CLIP3: variants seen among roughly 807,000 people sequenced by gnomAD.
CLIP3 encodes CAP-Gly domain-containing linker protein 3.
A neutral mutation model predicts 59.4 loss-of-function variants in CLIP3; 15 were observed. The ratio of observed to expected loss-of-function variants is 0.25; its 90% CI spans 0.17 to 0.39. CLIP3 has a LOEUF of 0.39. Among genes scored for constraint, CLIP3 ranks in the 10% least tolerant of loss-of-function variants. CLIP3 has a pLI of 1.00. For synonymous variants in CLIP3, 300 were observed against 321.6 expected, an observed-to-expected ratio of 0.93 and a Z score of 0.72; for missense variants, 495 against 765.7, an observed-to-expected ratio of 0.65 and a Z score of 4.17.
intron 12 of CLIP3, 24 bp from the exon 13 acceptor site, chr19:36,017,003 A>G: frequency 6.2e-7 from 1 of 1,612,938 alleles, no homozygotes; most frequent in South Asian, 1.1e-5. Context: ...CAGGATGTCA[A>G]GTGAGGGGAT....
At chr19:36,019,421 G>A in intron 7 of CLIP3, 115 bp from the exon 8 acceptor site, 1 of 1,257,828 alleles carries the variant, frequency 8.0e-7, no homozygotes, top group South Asian at 1.3e-5. Context: ...CCAAACCCCA[G>A]GTCACACATC....
In CLIP3 at chr19:36,026,806, G is replaced by A; in HGVS notation, c.401-59C>T. Reference sequence around the variant, plus strand: ...ATTCCAGAGCATGGGCCCAGTGCACGGGGAGGACCCTGGGCTTCAGGGACT... The same window carrying A: ...ATTCCAGAGCATGGGCCCAGTGCACAGGGAGGACCCTGGGCTTCAGGGACT... On this transcript the variant is annotated intron_variant, in intron 4 of 13. Transcript: ENST00000360535. This position sits in a 1 kb window ranked among gnomAD's most constrained non-coding sequence, Gnocchi z 6.3. 2 of 1,566,220 alleles carry A rather than the reference G, an allele frequency of 1.3e-6. No individual in the cohort carries two copies. Among genetic ancestry groups the A allele is most frequent in the Non-Finnish European group, 1.7e-6 (2 of 1,160,286 alleles).
In CLIP3 at chr19:36,014,902, TG is replaced by T. The variant is rs1384004584; in HGVS notation, c.*1255del. 2 of 152,438 alleles carry T rather than the reference TG, an allele frequency of 1.3e-5. No individual in the cohort carries two copies. The highest frequency in any genetic ancestry group is 2.9e-5 in the Non-Finnish European group (2 of 68,132). The allele number at this position is 152,438 out of a possible 1,614,324, so 9.4% of individuals were successfully genotyped here. On this transcript the variant is annotated 3_prime_UTR_variant, in exon 14 of 14. Transcript: ENST00000360535. ...AGGATTTGAGATCCCCTCAGGGCCTTGGGGCCTTCCATTTATTAGAGATGGA... is the reference window on the plus strand; with the variant it reads ...AGGATTTGAGATCCCCTCAGGGCCTTGGGCCTTCCATTTATTAGAGATGGA...
chr19:36,028,121 C>G (rs942133326), intron 2 of CLIP3, among the ~76,000 whole-genome samples: 10 of 151,926 alleles, frequency 6.6e-5, no homozygotes, highest in African/African-American at 9.7e-5. Flanking sequence ...CGGATCACCT[C>G]AGGTCAGGAG....
intron 12 of CLIP3, 120 bp from the exon 13 acceptor site, chr19:36,017,099 A>T (rs1157177988): frequency 2.8e-6 from 3 of 1,058,360 alleles, no homozygotes; most frequent in South Asian, 2.8e-5. Flanking sequence ...TGGATCCTAC[A>T]TTCCCAATAC....
rs1442194697 is a variant in CLIP3, at chr19:36,015,190, C to A, written c.*968G>T. 6 of 152,074 alleles carry A rather than the reference C, an allele frequency of 3.9e-5. No homozygotes were observed. The highest frequency in any genetic ancestry group is 1.5e-4 in the African/African-American group (6 of 41,366). 9.4% of individuals were successfully genotyped at this position (152,074 alleles called of 1,614,324 possible). On this transcript the variant is annotated 3_prime_UTR_variant, in exon 14 of 14. Transcript: ENST00000360535. Reference sequence around the variant, plus strand: ...GATTGGATTTTCAAATTTGGGATTCCCTGGGGATTTGGGATTCCATGATTT... The same window carrying A: ...GATTGGATTTTCAAATTTGGGATTCACTGGGGATTTGGGATTCCATGATTT...
Position 36,026,449 on chromosome 19 carries a change from C to A in CLIP3, c.562+137G>T. 1 of 1,283,740 alleles carries A rather than the reference C, an allele frequency of 7.8e-7. No individual in the cohort carries two copies. Among genetic ancestry groups the A allele is most frequent in the Non-Finnish European group, 1.1e-6 (1 of 925,982 alleles). The allele number at this position is 1,283,740 out of a possible 1,614,324, so 79.5% of individuals were successfully genotyped here. ...CTCCCTAGAGTGGTAGTCCCTGAGCCCCCTCTCCCACGCCTCCAACCTCCC... is the reference window on the plus strand; with the variant it reads ...CTCCCTAGAGTGGTAGTCCCTGAGCACCCTCTCCCACGCCTCCAACCTCCC... On this transcript the variant is annotated intron_variant, in intron 5 of 13. Transcript: ENST00000360535. This position sits in a 1 kb window ranked among gnomAD's most constrained non-coding sequence, Gnocchi z 6.3.
Position 36,015,887 on chromosome 19 carries a change from A to C in CLIP3, c.*271T>G, listed in dbSNP as rs1204805067. 1 of 526,920 alleles carries C rather than the reference A, an allele frequency of 1.9e-6. No individual in the cohort carries two copies. Among genetic ancestry groups the C allele is most frequent in the Non-Finnish European group, 3.4e-6 (1 of 290,936 alleles). 32.6% of individuals were successfully genotyped at this position (526,920 alleles called of 1,614,324 possible). On this transcript the variant is annotated 3_prime_UTR_variant, in exon 14 of 14. Transcript: ENST00000360535. The stretch of plus-strand genomic sequence containing the variant: ...ATTTGGGGTGATATGGAAATCTGTT[A>C]ATCTGGGAATCTGCTCTGAGGGGTT...
At chr19:36,020,043 T>TAA (rs1256239189) in intron 7 of CLIP3, among the ~76,000 whole-genome samples, 1 of 151,604 alleles carries the variant, frequency 6.6e-6, no homozygotes, top group Non-Finnish European at 1.5e-5. Context: ...CCTCTAATCT[T>TAA]AATCTGTTCC....
At chr19:36,019,594 A>T (rs1599695096) in intron 7 of CLIP3, among the ~76,000 whole-genome samples, 1 of 113,984 alleles carries the variant, frequency 8.8e-6, no homozygotes, top group African/African-American at 4.8e-5. Context: ...TTATTTATTT[A>T]TTTATTTTAT....
chr19:36,032,693 T>G lies in CLIP3; in HGVS notation c.-59+31A>C. The G allele has an allele frequency of 5.1e-6, 1 of 196,320 alleles. No homozygotes were observed. The highest frequency in any genetic ancestry group is 1.0e-5 in the Non-Finnish European group (1 of 97,590). 12.2% of individuals were successfully genotyped at this position (196,320 alleles called of 1,614,324 possible). On this transcript the variant is annotated intron_variant, in intron 1 of 13. Coordinates refer to ENST00000360535, the MANE Select transcript of CLIP3 (RefSeq NM_015526.3). This position sits in a 1 kb window ranked among gnomAD's most constrained non-coding sequence, Gnocchi z 4.3. The stretch of plus-strand genomic sequence containing the variant: ...GATTCAGGATGCTTCGCCCCTCCCC[T>G]TCTCCGCGGGCCGCCCCCTCCCCAT...
At chr19:36,025,451 T>G (rs1969076437) in intron 6 of CLIP3, among the ~76,000 whole-genome samples, 1 of 151,480 alleles carries the variant, frequency 6.6e-6, no homozygotes, top group Non-Finnish European at 1.5e-5. Context: ...ATTAGCCGGG[T>G]GTGGTGGCGC....
Position 36,015,515 on chromosome 19 carries a change from G to T in CLIP3, c.*643C>A. On this transcript the variant is annotated 3_prime_UTR_variant, in exon 14 of 14. Transcript: ENST00000360535. The stretch of plus-strand genomic sequence containing the variant: ...GGGGGTCCTGTAATTAGCACTTCCA[G>T]GACTGTTTTGGTGTCTGTAAATTAG... The T allele has an allele frequency of 6.5e-6, 1 of 154,662 alleles. No individual in the cohort carries two copies. The highest frequency in any genetic ancestry group is 2.0e-4 in the South Asian group (1 of 4,968). 9.6% of individuals were successfully genotyped at this position (154,662 alleles called of 1,614,324 possible).
intron 6 of CLIP3, among the ~76,000 whole-genome samples, chr19:36,024,958 C>T (rs369605901): frequency 5.3e-5 from 8 of 151,446 alleles, no homozygotes; most frequent in Non-Finnish European, 8.8e-5. Context: ...CCCAGCTACT[C>T]GGGAGGCTGA....
At chr19:36,022,445 C>T (rs913138210) in intron 7 of CLIP3, among the ~76,000 whole-genome samples, 1 of 152,160 alleles carries the variant, frequency 6.6e-6, no homozygotes, top group African/African-American at 2.4e-5. Context: ...GTCCCTGAGC[C>T]TGAGTTCATG....
At chr19:36,019,619 T>TC (rs1968903415) in intron 7 of CLIP3, among the ~76,000 whole-genome samples, 1 of 151,264 alleles carries the variant, frequency 6.6e-6, no homozygotes. Flanking sequence ...TTTTTTTTTT[T>TC]TCGAGACAGC....
chr19:36,026,262 A>G lies in CLIP3; in HGVS notation c.566T>C (p.Val189Ala). The change falls in exon 6 of 14, where the codon GTG becomes GCG. Residue 189 changes from valine (V) to alanine (A), a missense_variant. Around this residue, in one of 5 missense-constraint regions of CLIP3, gnomAD observed 194 missense variants for 327.8 expected, o/e 0.59. Transcript: ENST00000360535. The surrounding 1 kb of genome is among the most constrained non-coding windows in gnomAD (Gnocchi z 6.3). Reference sequence around the variant, plus strand: ...GTTGAAGTCACTGCACGTGGAGTTCACCACTGGAAGTGGGCAAGAGGAGGG... The same window carrying G: ...GTTGAAGTCACTGCACGTGGAGTTCGCCACTGGAAGTGGGCAAGAGGAGGG... ...VLLKGARPRV[V>A]NSTCSDFNHG... 1 of 1,611,490 alleles carries G rather than the reference A, an allele frequency of 6.2e-7. No individual in the cohort carries two copies. The highest frequency in any genetic ancestry group is 8.5e-7 in the Non-Finnish European group (1 of 1,178,366).
At chr19:36,017,516 G>A in intron 11 of CLIP3, 66 bp from the exon 12 acceptor site, 1 of 1,604,014 alleles carries the variant, frequency 6.2e-7, no homozygotes, top group Admixed American at 1.7e-5. Flanking sequence ...TGAGAGCTGG[G>A]CCCCAGGGAT....
intron 2 of CLIP3, 119 bp from the exon 3 acceptor site, chr19:36,027,390 G>A: frequency 9.0e-7 from 1 of 1,114,524 alleles, no homozygotes. Context: ...CAAGCTGGTG[G>A]CACATGGGCC....
Sources: allele counts gnomAD v4.1 joint callset (sites outside exome capture counted in the v4.1 genomes callset), GRCh38; gene constraint gnomAD v4.1.1; regional missense constraint gnomAD v4.1.1; non-coding constraint Gnocchi (gnomAD v3.1); transcripts MANE v1.5; gene names NCBI Gene and HGNC (gene_info 2026-07-23, HGNC 2026-07-21).